Variants in CACNB4 observed in about 807,000 individuals in gnomAD.
CACNB4 encodes voltage-dependent L-type calcium channel subunit beta-4.
CACNB4 carries 32 observed loss-of-function variants against 71.2 expected under a neutral mutation model. The ratio of observed to expected loss-of-function variants is 0.45; its 90% confidence interval spans 0.34 to 0.60. The LOEUF (loss-of-function observed/expected upper bound fraction) is 0.60. Among genes scored for constraint, CACNB4 ranks in the 20% least tolerant of loss-of-function variants. CACNB4 has a pLI of 0.01. For missense variants in CACNB4, 464 were observed against 647.9 expected (o/e 0.72, Z 3.08); for synonymous variants, 231 against 236.9 (o/e 0.97, Z 0.23).
chr2:151,950,552 C>T (rs2099866669), intron 2 of CACNB4, among the ~76,000 whole-genome samples: 1 of 152,102 alleles, frequency 6.6e-6, no homozygotes. Flanking sequence ...TCACAATCAC[C>T]AAAAGGTTGA....
chr2:151,973,581 C>A, intron 2 of CACNB4: 1 of 1,239,334 alleles, frequency 8.1e-7, no homozygotes, highest in Non-Finnish European at 1.2e-6. Flanking sequence ...CCTGCGTTGC[C>A]TAAGAAATAA....
rs1317966504 is a variant in CACNB4 at position 151,855,320 on chromosome 2, C to T, written c.924G>A (p.Leu308=). ...TGATGGTGTCTGCATCAAGAACAAC[C>T]AGTTGCAAAGATCTTGCCAACTCAA... The part of the protein sequence containing the change: ...RIFELARSLQ[L]VVLDADTINH... Residue 308 remains leucine, a synonymous_variant, in exon 11 of 14, where the codon CTG becomes CTA. Coordinates refer to ENST00000539935, the MANE Select transcript of CACNB4 (RefSeq NM_000726.5). The T allele has an allele frequency of 2.5e-6, 4 of 1,600,264 alleles. No individual in the cohort carries two copies. In the African/African-American group the frequency reaches 4.0e-5, roughly 16 times the overall value.
chr2:152,022,152 C>T (rs1003193655), intron 2 of CACNB4, among the ~76,000 whole-genome samples: 1 of 152,200 alleles, frequency 6.6e-6, no homozygotes, highest in Non-Finnish European at 1.5e-5. Context: ...CTATTACTTG[C>T]ATCTCTCCCC....
At chr2:152,030,076 T>A (rs545377833) in intron 2 of CACNB4, among the ~76,000 whole-genome samples, 5 of 152,140 alleles carry the variant, frequency 3.3e-5, no homozygotes, top group Admixed American at 6.6e-5. Context: ...CCTCATTTTC[T>A]TTTTGAGGCA....
intron 9 of CACNB4, chr2:151,861,854 A>AAAAAAAAAAAAAAC (rs1559883066): frequency 2.0e-5 from 3 of 150,202 alleles, no homozygotes; most frequent in African/African-American, 7.5e-5. Context: ...AAAAAAAAAA[A>AAAAAAAAAAAAAAC]AAAACTGAAG....
intron 2 of CACNB4, among the ~76,000 whole-genome samples, chr2:152,076,450 C>T (rs1687029917): frequency 1.3e-5 from 2 of 151,800 alleles, no homozygotes; most frequent in African/African-American, 4.8e-5. Context: ...GCATGAGCTA[C>T]TGCGCCTGGC....
intron 2 of CACNB4, among the ~76,000 whole-genome samples, chr2:151,962,141 C>A (rs1470493734): frequency 6.6e-6 from 1 of 152,150 alleles, no homozygotes; most frequent in Non-Finnish European, 1.5e-5. Flanking sequence ...GGTATTTATT[C>A]TCTGGCTTCC....
intron 9 of CACNB4, 101 bp downstream of exon 9, chr2:151,869,076 G>A (rs969218135): frequency 1.4e-6 from 1 of 716,740 alleles, no homozygotes; most frequent in Non-Finnish European, 2.4e-6. Context: ...CTTTTAACTA[G>A]AGAACTTCTG....
chr2:151,980,934 C>T (rs893203027), intron 2 of CACNB4, among the ~76,000 whole-genome samples: 1 of 152,140 alleles, frequency 6.6e-6, no homozygotes, highest in Non-Finnish European at 1.5e-5. Context: ...AGGACAAGAA[C>T]CCATGATCTT....
chr2:152,058,950 A>T (rs901130217), intron 2 of CACNB4, among the ~76,000 whole-genome samples: 1 of 152,256 alleles, frequency 6.6e-6, no homozygotes, highest in African/African-American at 2.4e-5. Context: ...GGGCGAAGGT[A>T]CAGCTTGGGC....
intron 2 of CACNB4, among the ~76,000 whole-genome samples, chr2:152,076,453 C>T (rs1288493286): frequency 6.6e-6 from 1 of 151,588 alleles, no homozygotes; most frequent in African/African-American, 2.4e-5. Flanking sequence ...TGAGCTACTG[C>T]GCCTGGCCGC....
chr2:152,050,295 T>C (rs774897914), intron 2 of CACNB4, among the ~76,000 whole-genome samples: 2 of 152,186 alleles, frequency 1.3e-5, no homozygotes, highest in Non-Finnish European at 2.9e-5. Flanking sequence ...CATCTGCTAT[T>C]GATGAAGCGG....
chr2:151,950,659 C>T (rs988956194), intron 2 of CACNB4, among the ~76,000 whole-genome samples: 12 of 152,222 alleles, frequency 7.9e-5, no homozygotes, highest in African/African-American at 2.9e-4. Context: ...CTAATACATA[C>T]TCTGACATGG....
chr2:152,076,823 A>G (rs1687058595), intron 2 of CACNB4, among the ~76,000 whole-genome samples: 1 of 152,242 alleles, frequency 6.6e-6, no homozygotes, highest in African/African-American at 2.4e-5. Context: ...GGAAAGTGCA[A>G]TGACAAGGAT....
intron 2 of CACNB4, among the ~76,000 whole-genome samples, chr2:152,024,892 C>T (rs980853051): frequency 6.6e-6 from 1 of 151,972 alleles, no homozygotes; most frequent in Non-Finnish European, 1.5e-5. Context: ...TCCATCTCTA[C>T]TAAAAATACA....
chr2:152,094,808 C>T (rs1022879336), intron 2 of CACNB4, among the ~76,000 whole-genome samples: 1 of 152,154 alleles, frequency 6.6e-6, no homozygotes, highest in South Asian at 2.1e-4. Flanking sequence ...TAAAATATGA[C>T]TAGATAATCC....
chr2:151,847,857 A>G (rs945337255), intron 12 of CACNB4, among the ~76,000 whole-genome samples: 45 of 152,172 alleles, frequency 3.0e-4, no homozygotes, highest in African/African-American at 1.0e-3. Context: ...CTGCACTCCA[A>G]CCGGGGTGAC....
intron 2 of CACNB4, among the ~76,000 whole-genome samples, chr2:152,081,852 T>C (rs897014138): frequency 6.6e-6 from 1 of 152,244 alleles, no homozygotes; most frequent in Non-Finnish European, 1.5e-5. Context: ...CTGAACTGTA[T>C]GTGCAAATAT....
rs141381523 is a variant in CACNB4 at position 151,886,927 on chromosome 2, G to A, written c.148-3557C>T. ...GTTATTTACAAAGGCACAGAGGGAA[G>A]AGCAAGTGAGCTAGAGAGGCCAGAA... On this transcript the variant is annotated intron_variant, in intron 2 of 13. Transcript: ENST00000539935. Among the ~76,000 whole-genome samples the A allele has an allele frequency of 2.0e-3, 310 of 152,326 alleles. 7 individuals carry two copies. Among genetic ancestry groups the A allele is most frequent in the Admixed American group, 0.018 (283 of 15,300 alleles).
Sources: gnomAD v4.1 joint callset for allele counts (sites outside exome capture counted in the v4.1 genomes callset) on GRCh38, gnomAD v4.1.1 for gene constraint, MANE v1.5 for transcripts, NCBI Gene and HGNC (gene_info 2026-07-23, HGNC 2026-07-21) for gene names.